The following GLIPR1L2 variants were observed in gnomAD, a reference collection of about 807,000 sequenced individuals.
GLIPR1L2 encodes GLIPR1-like protein 2.
GLIPR1L2 carries 21 observed loss-of-function variants against 28.4 expected under a neutral mutation model. That is an observed-to-expected ratio of 0.74 (90% CI 0.52 to 1.06). The LOEUF (loss-of-function observed/expected upper bound fraction) is 1.06, where lower values mean the gene tolerates loss of function less well. GLIPR1L2 is among the 50% of genes least tolerant of loss of function. The pLI is 0.00. For synonymous variants in GLIPR1L2, 145 were observed against 139.3 expected (o/e 1.04, Z -0.29); for missense variants, 476 against 416.9 (o/e 1.14, Z -1.23).
intron 1 of GLIPR1L2, among the ~76,000 whole-genome samples, chr12:75,408,782 C>A (rs1303234261): frequency 1.3e-5 from 2 of 151,676 alleles, no homozygotes; most frequent in African/African-American, 4.8e-5. Flanking sequence ...GATATGATCA[C>A]AATAGTGCAA....
At chr12:75,403,089 A>C (rs80353687) in intron 1 of GLIPR1L2, 6 of 457,064 alleles carry the variant, frequency 1.3e-5, no homozygotes, top group Non-Finnish European at 2.2e-5. Flanking sequence ...CAGGACTCCA[A>C]GTGCACCCCT....
At position 75,432,425 on chromosome 12, in the gene GLIPR1L2, G is replaced by A. The variant is rs531892996; in HGVS notation, c.*1264G>A. 1 of 151,942 alleles carries A rather than the reference G, an allele frequency of 6.6e-6. No homozygotes were observed. Among genetic ancestry groups the A allele is most frequent in the African/African-American group, 2.4e-5 (1 of 41,454 alleles). 9.4% of individuals were successfully genotyped at this position (151,942 alleles called of 1,614,324 possible). A position where few individuals can be genotyped will look rare whatever the true frequency, so the allele number is the denominator to read the frequency against. On this transcript the variant is annotated 3_prime_UTR_variant, in exon 6 of 6. Coordinates refer to ENST00000550916, the MANE Select transcript of GLIPR1L2 (RefSeq NM_001270396.2). ...AAGAAATGACATTGAAAGAATCACT[G>A]CATATCTGATGTTTTCAAATAAAAC...
chr12:75,424,914 G>A (rs1276730429), intron 4 of GLIPR1L2, among the ~76,000 whole-genome samples: 3 of 151,660 alleles, frequency 2.0e-5, no homozygotes, highest in Non-Finnish European at 4.4e-5. Flanking sequence ...ACAGGTCAGG[G>A]GAATGTAGTC....
chr12:75,427,349 T>C (rs1444469187), intron 4 of GLIPR1L2, among the ~76,000 whole-genome samples: 1 of 151,814 alleles, frequency 6.6e-6, no homozygotes, highest in Non-Finnish European at 1.5e-5. Context: ...AATGAGAAAA[T>C]ACAAACTATA....
intron 4 of GLIPR1L2, among the ~76,000 whole-genome samples, chr12:75,425,052 G>A (rs1022622141): frequency 6.6e-6 from 1 of 152,098 alleles, no homozygotes; most frequent in Non-Finnish European, 1.5e-5. Flanking sequence ...ACATAGAGAT[G>A]TGGCCATGTG....
rs565847543 is a variant in GLIPR1L2, at chr12:75,408,369, G to T, written c.235-2065G>T. On this transcript the variant is annotated intron_variant, in intron 1 of 5. Coordinates refer to ENST00000550916, the MANE Select transcript of GLIPR1L2 (RefSeq NM_001270396.2). ...GGCTCCACAATTTTACTGTCTATGA[G>T]ACATTTAATACATTTAAACTACTTA... Among the ~76,000 whole-genome samples, 4 of 152,012 alleles carry T rather than the reference G, an allele frequency of 2.6e-5. No homozygotes were observed. The East Asian group carries it at 7.7e-4, about 29-fold the overall frequency.
In GLIPR1L2 at chr12:75,391,359, G is replaced by A. The variant is rs1342840411; in HGVS notation, c.234+9G>A. On this transcript the variant is annotated intron_variant, in intron 1 of 5. Transcript: ENST00000550916. Reference sequence around the variant, plus strand: ...CTAACTTGCGCTTCATGGTGAGGCCGGAAGGCGGTTTGCCGACCCTTCCAC... The same window carrying A: ...CTAACTTGCGCTTCATGGTGAGGCCAGAAGGCGGTTTGCCGACCCTTCCAC... 6.2e-7 allele frequency: 1 copy of A among 1,612,538 alleles called. No homozygotes were observed. The highest frequency in any genetic ancestry group is 1.7e-4 in the Middle Eastern group (1 of 6,056).
At chr12:75,395,741 G>A (rs1181062520) in intron 1 of GLIPR1L2, among the ~76,000 whole-genome samples, 1 of 151,746 alleles carries the variant, frequency 6.6e-6, no homozygotes, top group Non-Finnish European at 1.5e-5. Flanking sequence ...TATGTTCCCA[G>A]GAATAAGTCT....
chr12:75,401,842 G>C (rs2045745158), intron 1 of GLIPR1L2, among the ~76,000 whole-genome samples: 2 of 151,880 alleles, frequency 1.3e-5, no homozygotes, highest in South Asian at 4.2e-4. Context: ...AAAGGAAAAG[G>C]CAATTAGCTG....
chr12:75,391,725 C>T (rs1367884859), intron 1 of GLIPR1L2, among the ~76,000 whole-genome samples: 1 of 152,106 alleles, frequency 6.6e-6, no homozygotes, highest in Non-Finnish European at 1.5e-5. Context: ...AAGACAGGTT[C>T]CTTGGGTCTG....
intron 3 of GLIPR1L2, among the ~76,000 whole-genome samples, chr12:75,420,352 T>A (rs1004921733): frequency 3.3e-5 from 5 of 152,216 alleles, no homozygotes; most frequent in Admixed American, 6.5e-5. Flanking sequence ...TGTGCTCTCA[T>A]TTTGAAAGAC....
intron 1 of GLIPR1L2, among the ~76,000 whole-genome samples, chr12:75,395,680 A>G (rs1284158386): frequency 2.6e-5 from 4 of 151,608 alleles, no homozygotes; most frequent in Non-Finnish European, 4.4e-5. Context: ...CTTATTAGTT[A>G]TAGGTCTGTT....
intron 1 of GLIPR1L2, among the ~76,000 whole-genome samples, chr12:75,397,830 G>A (rs1029855996): frequency 1.1e-4 from 16 of 152,092 alleles, no homozygotes; most frequent in Admixed American, 5.2e-4. Flanking sequence ...TGATTTTTCC[G>A]CAAATATTTC....
intron 1 of GLIPR1L2, among the ~76,000 whole-genome samples, chr12:75,398,220 T>A (rs1377941635): frequency 6.8e-6 from 1 of 146,068 alleles, no homozygotes; most frequent in Non-Finnish European, 1.5e-5. Flanking sequence ...TCCTAGCTAC[T>A]CCGAAGGCTG....
At position 75,391,357 on chromosome 12, in the gene GLIPR1L2, C is replaced by T; in HGVS notation, c.234+7C>T. The T allele has an allele frequency of 6.2e-7, 1 of 1,612,638 alleles. No homozygotes were observed. The highest frequency in any genetic ancestry group is 1.6e-4 in the Middle Eastern group (1 of 6,062). On this transcript the variant is annotated splice_region_variant and intron_variant, in intron 1 of 5. Coordinates refer to ENST00000550916, the MANE Select transcript of GLIPR1L2 (RefSeq NM_001270396.2). ...GTCTAACTTGCGCTTCATGGTGAGG[C>T]CGGAAGGCGGTTTGCCGACCCTTCC...
intron 3 of GLIPR1L2, among the ~76,000 whole-genome samples, chr12:75,421,475 C>G (rs181658328): frequency 2.7e-4 from 41 of 152,242 alleles, no homozygotes; most frequent in Non-Finnish European, 4.4e-4. Flanking sequence ...GGCCATTCTT[C>G]TAGAAGGCCT....
intron 4 of GLIPR1L2, among the ~76,000 whole-genome samples, chr12:75,429,769 G>A (rs571304038): frequency 4.1e-4 from 62 of 152,008 alleles, no homozygotes; most frequent in African/African-American, 1.5e-3. Context: ...CATAAGATCT[G>A]GTGGTTTAAA....
At chr12:75,423,384 C>A in intron 4 of GLIPR1L2, 1 of 992,164 alleles carries the variant, frequency 1.0e-6, no homozygotes, top group Non-Finnish European at 1.2e-6. Flanking sequence ...GTTTTTCCTC[C>A]AAAAAGCTGA....
intron 1 of GLIPR1L2, chr12:75,391,637 G>T (rs2045601751): frequency 2.4e-6 from 2 of 818,796 alleles, no homozygotes; most frequent in African/African-American, 3.5e-5. Flanking sequence ...ATATTTTAAT[G>T]CAACGGGTTT....
Sources: allele counts gnomAD v4.1 joint callset (sites outside exome capture counted in the v4.1 genomes callset), GRCh38; gene constraint gnomAD v4.1.1; transcripts MANE v1.5; gene names NCBI Gene and HGNC (gene_info 2026-07-23, HGNC 2026-07-21).